CALN1: variants seen among roughly 807,000 people sequenced by gnomAD.
The protein encoded by CALN1 is calneuron 1.
CALN1 carries 17 observed loss-of-function variants against 30.6 expected under a neutral mutation model. That is an observed-to-expected ratio of 0.56 (90% CI 0.38 to 0.83). The LOEUF is 0.83. Among genes scored for constraint, CALN1 ranks in the 40% least tolerant of loss-of-function variants. The pLI, the probability that CALN1 is intolerant of heterozygous loss-of-function variation, is 0.00. For missense variants in CALN1, 291 were observed against 354.9 expected, an observed-to-expected ratio of 0.82 and a Z score of 1.45; for synonymous variants, 156 against 131.4, an observed-to-expected ratio of 1.19 and a Z score of -1.28.
intron 5 of CALN1, among the ~76,000 whole-genome samples, chr7:71,930,529 T>C (rs553065543): frequency 6.6e-6 from 1 of 152,366 alleles, no homozygotes; most frequent in East Asian, 1.9e-4. Context: ...CTTTTTAGCT[T>C]CTTGATAGTG....
chr7:72,113,230 T>C (rs1333834297), intron 3 of CALN1, among the ~76,000 whole-genome samples: 1 of 150,964 alleles, frequency 6.6e-6, no homozygotes, highest in East Asian at 2.0e-4. Flanking sequence ...GGAGGAGGGG[T>C]TGCATGAGTC....
intron 4 of CALN1, among the ~76,000 whole-genome samples, chr7:72,050,000 G>A (rs550535990): frequency 6.6e-6 from 1 of 150,670 alleles, no homozygotes; most frequent in East Asian, 2.0e-4. Flanking sequence ...TGTATGTTTA[G>A]TGGAGACGGG....
chr7:72,022,582 C>A (rs185147937), intron 5 of CALN1, among the ~76,000 whole-genome samples: 2 of 152,188 alleles, frequency 1.3e-5, no homozygotes, highest in Non-Finnish European at 2.9e-5. Flanking sequence ...TTTGCAGAGA[C>A]GGGATCTCGC....
chr7:71,922,739 TTATA>T (rs561691694), intron 5 of CALN1, among the ~76,000 whole-genome samples: 61 of 122,832 alleles, frequency 5.0e-4, no homozygotes, highest in African/African-American at 1.6e-3. Flanking sequence ...ACAGAATATA[TTATA>T]TATAAATATA....
intron 5 of CALN1, among the ~76,000 whole-genome samples, chr7:71,997,151 T>G (rs1351310935): frequency 6.6e-6 from 1 of 152,112 alleles, no homozygotes; most frequent in African/African-American, 2.4e-5. Flanking sequence ...GAGGATGGCT[T>G]GAGCCCAGGA....
Position 71,883,976 on chromosome 7 carries a change from C to T in CALN1, c.502-73484G>A, listed in dbSNP as rs546961487. On this transcript the variant is annotated intron_variant, in intron 5 of 6. Coordinates refer to ENST00000395275, the MANE Select transcript of CALN1 (RefSeq NM_031468.4). ...GTTGCCAGGTTGGAGTGAAGTGGCG[C>T]GATCTTGGCTCACTGCAATCTCCGC... Among the ~76,000 whole-genome samples, 13 of 152,224 alleles carry T rather than the reference C, an allele frequency of 8.5e-5. No individual in the cohort carries two copies. The South Asian group carries it at 2.1e-3, about 24-fold the overall frequency.
intron 4 of CALN1, among the ~76,000 whole-genome samples, chr7:72,077,135 T>C (rs754341026): frequency 2.6e-5 from 4 of 152,198 alleles, no homozygotes; most frequent in Non-Finnish European, 5.9e-5. Context: ...TTACACCTTC[T>C]ATGCATGTAA....
chr7:72,363,091 C>T (rs935815076), intron 2 of CALN1, among the ~76,000 whole-genome samples: 1 of 152,136 alleles, frequency 6.6e-6, no homozygotes, highest in African/African-American at 2.4e-5. Context: ...GGCAAACTTA[C>T]GTCATGGGGG....
intron 6 of CALN1, among the ~76,000 whole-genome samples, chr7:71,791,420 G>A (rs1019253965): frequency 6.6e-5 from 10 of 152,260 alleles, no homozygotes; most frequent in Middle Eastern, 6.8e-3. Context: ...TGGTGCTGGA[G>A]GCCATGATCC....
intron 2 of CALN1, among the ~76,000 whole-genome samples, chr7:72,335,055 C>A (rs1250485953): frequency 6.6e-6 from 1 of 152,148 alleles, no homozygotes; most frequent in Admixed American, 6.5e-5. Flanking sequence ...CTAAACTGGG[C>A]GTGGTGACAG....
chr7:72,188,726 A>C (rs1373400195), intron 3 of CALN1, among the ~76,000 whole-genome samples: 2 of 152,218 alleles, frequency 1.3e-5, no homozygotes, highest in Non-Finnish European at 2.9e-5. Context: ...AATAATCATC[A>C]TATAAATTAA....
At chr7:71,868,092 T>C (rs1368752831) in intron 5 of CALN1, among the ~76,000 whole-genome samples, 1 of 152,246 alleles carries the variant, frequency 6.6e-6, no homozygotes, top group Non-Finnish European at 1.5e-5. Context: ...TTGAAATATT[T>C]ATGCTTACAA....
intron 3 of CALN1, among the ~76,000 whole-genome samples, chr7:72,106,666 G>A (rs1222765533): frequency 6.2e-5 from 7 of 113,108 alleles, no homozygotes; most frequent in Non-Finnish European, 1.1e-4. Flanking sequence ...GGGAAGGAGG[G>A]AGGGAGAAAG....
At position 71,780,711 on chromosome 7, in the gene CALN1, C is replaced by G. The variant is rs1364921289; in HGVS notation, c.*7064G>C. On this transcript the variant is annotated 3_prime_UTR_variant, in exon 7 of 7. Transcript: ENST00000395275. ...TATAGTGGCCAGAAAAAAAAAAAAG[C>G]AAAGAAAGAAATAACTGGAAATTGT... is the stretch of plus-strand genomic sequence containing the variant. 1 of 150,550 alleles carries G rather than the reference C, an allele frequency of 6.6e-6. No individual in the cohort carries two copies. The highest frequency in any genetic ancestry group is 6.6e-5 in the Admixed American group (1 of 15,078). The allele number at this position is 150,550 out of a possible 1,614,324, so 9.3% of individuals were successfully genotyped here.
intron 3 of CALN1, among the ~76,000 whole-genome samples, chr7:72,211,510 C>T (rs1474580418): frequency 1.3e-5 from 2 of 151,394 alleles, no homozygotes; most frequent in Non-Finnish European, 2.9e-5. Flanking sequence ...GAACTTACTC[C>T]TATCATAGTT....
intron 3 of CALN1, among the ~76,000 whole-genome samples, chr7:72,256,944 G>A (rs1795952927): frequency 6.6e-6 from 1 of 152,116 alleles, no homozygotes; most frequent in South Asian, 2.1e-4. Flanking sequence ...CCCAGGAGGT[G>A]GGTGATTATA....
intron 2 of CALN1, among the ~76,000 whole-genome samples, chr7:72,368,249 A>G (rs1203141192): frequency 6.7e-6 from 1 of 150,316 alleles, no homozygotes; most frequent in East Asian, 1.9e-4. Flanking sequence ...GGATGCTAGT[A>G]ATGTTCTGTT....
At position 72,120,048 on chromosome 7, in the gene CALN1, G is replaced by A. The variant is rs563836494; in HGVS notation, c.245-13754C>T. Among the ~76,000 whole-genome samples the A allele has an allele frequency of 5.3e-5, 8 of 152,168 alleles. No individual in the cohort carries two copies. In the South Asian group the frequency reaches 1.0e-3, roughly 20 times the overall value. ...TGCTGAGGCTTGGGGCAAGAATGAC[G>A]CTGTCACCCAGGTAGTGAGCATAGT... On this transcript the variant is annotated intron_variant, in intron 3 of 6. Transcript: ENST00000395275.
At chr7:72,181,095 A>ACC (rs1789754515) in intron 3 of CALN1, among the ~76,000 whole-genome samples, 1 of 10,550 alleles carries the variant, frequency 9.5e-5, no homozygotes, top group African/African-American at 2.5e-4. Context: ...GAAACTGCAT[A>ACC]ACCCCCCCCC....
Sources: gnomAD v4.1 joint callset for allele counts (sites outside exome capture counted in the v4.1 genomes callset) on GRCh38, gnomAD v4.1.1 for gene constraint, MANE v1.5 for transcripts, NCBI Gene and HGNC (gene_info 2026-07-23, HGNC 2026-07-21) for gene names.